Variants in ARHGAP6 observed in about 807,000 individuals in gnomAD.
The protein encoded by ARHGAP6 is rho GTPase-activating protein 6.
ARHGAP6 carries 16 observed loss-of-function variants against 55.7 expected under a neutral mutation model. The observed-to-expected ratio is 0.29, with a 90% CI of 0.19 to 0.44. The LOEUF (loss-of-function observed/expected upper bound fraction) is 0.44, where lower values mean the gene tolerates loss of function less well. Ranked by LOEUF, ARHGAP6 falls within the 20% of genes least tolerant of loss-of-function variation. The pLI is 1.00. For missense variants in ARHGAP6, 698 were observed against 808.9 expected (o/e 0.86, Z 1.66); for synonymous variants, 382 against 360.9 (o/e 1.06, Z -0.66).
chrX:11,362,344 T>C (rs2049023237), intron 1 of ARHGAP6, among the ~76,000 whole-genome samples: 1 of 111,069 alleles, frequency 9.0e-6, no homozygotes, highest in South Asian at 3.8e-4. Flanking sequence ...GATGAGTTCA[T>C]GTCCTTTGTA....
At chrX:11,612,641 T>C (rs2147154906) in intron 1 of ARHGAP6, among the ~76,000 whole-genome samples, 1 of 112,227 alleles carries the variant, frequency 8.9e-6, no homozygotes, top group African/African-American at 3.2e-5. Context: ...ACTTCCAGCC[T>C]CCAGAACCAT....
chrX:11,640,384 G>A (rs1272100967), intron 1 of ARHGAP6, among the ~76,000 whole-genome samples: 1 of 111,673 alleles, frequency 9.0e-6, no homozygotes, highest in Non-Finnish European at 1.9e-5. Context: ...TCGTACACTG[G>A]AGTTGGGCGT....
At position 11,493,612 on chromosome X, in the gene ARHGAP6, G is replaced by A. The variant is rs59857648; in HGVS notation, c.588+170629C>T. On this transcript the variant is annotated intron_variant, in intron 1 of 12. Coordinates refer to ENST00000337414, the MANE Select transcript of ARHGAP6 (RefSeq NM_013427.3). Reference sequence around the variant, plus strand: ...GGTTTGGGGTATGGACAATAGGGTCGGATTCCTGAGGGTATCTGGGCCCCA... The same window carrying A: ...GGTTTGGGGTATGGACAATAGGGTCAGATTCCTGAGGGTATCTGGGCCCCA... Among the ~76,000 whole-genome samples the A allele has an allele frequency of 3.2e-3, 354 of 111,121 alleles. 1 individual carries two copies. Among genetic ancestry groups the A allele is most frequent in the African/African-American group, 0.011 (333 of 30,550 alleles).
chrX:11,326,626 A>G (rs5978431), intron 1 of ARHGAP6, among the ~76,000 whole-genome samples: 24,618 of 111,149 alleles, frequency 0.22, 2,074 homozygotes, highest in Middle Eastern at 0.36. Context: ...CAATATAACT[A>G]AAGCTTGAAT....
chrX:11,614,029 A>G (rs2052134193), intron 1 of ARHGAP6, among the ~76,000 whole-genome samples: 1 of 111,755 alleles, frequency 8.9e-6, no homozygotes, highest in South Asian at 3.8e-4. Context: ...GACCACTGGC[A>G]CAAATGGTCC....
intron 1 of ARHGAP6, among the ~76,000 whole-genome samples, chrX:11,307,759 T>C (rs1407870629): frequency 8.9e-6 from 1 of 112,200 alleles, no homozygotes; most frequent in Non-Finnish European, 1.9e-5. Flanking sequence ...AGCAATGGGA[T>C]TTACTGCTTT....
chrX:11,169,800 G>A, intron 8 of ARHGAP6, 116 bp from the exon 9 acceptor site: 1 of 541,948 alleles, frequency 1.8e-6, no homozygotes, highest in Non-Finnish European at 2.8e-6. Context: ...CTGCAAGGAT[G>A]CCATCCTCTC....
chrX:11,640,168 G>A (rs199521171), intron 1 of ARHGAP6, among the ~76,000 whole-genome samples: 3 of 110,886 alleles, frequency 2.7e-5, no homozygotes, highest in East Asian at 2.8e-4. Context: ...ACAGTGCCCC[G>A]GGAAAGGAAA....
chrX:11,561,341 TTAAGTA>T (rs753173392), intron 1 of ARHGAP6, among the ~76,000 whole-genome samples: 8 of 112,400 alleles, frequency 7.1e-5, no homozygotes, highest in Middle Eastern at 4.6e-3. Context: ...CCAAGGTATG[TTAAGTA>T]TAAGAAATTG....
In ARHGAP6 at chrX:11,403,855, T is replaced by C. The variant is rs1040356065; in HGVS notation, c.589-149148A>G. On this transcript the variant is annotated intron_variant, in intron 1 of 12. Transcript: ENST00000337414. Reference sequence around the variant, plus strand: ...AGGATGGTTAACAATGTAACTAAACTTTCTTCCTTTGCAGACATACTTAAA... The same window carrying C: ...AGGATGGTTAACAATGTAACTAAACCTTCTTCCTTTGCAGACATACTTAAA... Among the ~76,000 whole-genome samples, 4 of 112,461 alleles carry C rather than the reference T, an allele frequency of 3.6e-5. No homozygotes were observed. The Admixed American group carries it at 3.8e-4, about 11-fold the overall frequency.
At chrX:11,253,090 C>T (rs1194656890) in intron 2 of ARHGAP6, among the ~76,000 whole-genome samples, 3 of 111,492 alleles carry the variant, frequency 2.7e-5, no homozygotes, top group African/African-American at 9.8e-5. Context: ...TCAACTTCAG[C>T]ACATGGGGCC....
At chrX:11,621,714 T>C (rs1020139883) in intron 1 of ARHGAP6, among the ~76,000 whole-genome samples, 1 of 111,494 alleles carries the variant, frequency 9.0e-6, no homozygotes, top group Non-Finnish European at 1.9e-5. Context: ...TAGAGATTTT[T>C]TTTTAATGAA....
chrX:11,459,266 G>A (rs2050221397), intron 1 of ARHGAP6, among the ~76,000 whole-genome samples: 1 of 111,429 alleles, frequency 9.0e-6, no homozygotes, highest in African/African-American at 3.3e-5. Context: ...GGAATTCTTC[G>A]AGATATGACT....
intron 1 of ARHGAP6, chrX:11,427,662 C>T (rs995514096): frequency 1.2e-6 from 1 of 845,885 alleles, no homozygotes; most frequent in Non-Finnish European, 1.4e-6. Context: ...CTGAGTTCCC[C>T]GCACTTCACT....
At chrX:11,648,480 C>T (rs2052552630) in intron 1 of ARHGAP6, among the ~76,000 whole-genome samples, 1 of 111,891 alleles carries the variant, frequency 8.9e-6, no homozygotes, top group Non-Finnish European at 1.9e-5. Flanking sequence ...TACAATTGCT[C>T]TTTACATTTA....
chrX:11,394,074 G>A (rs867242634), intron 1 of ARHGAP6, among the ~76,000 whole-genome samples: 1 of 111,510 alleles, frequency 9.0e-6, no homozygotes, highest in African/African-American at 3.3e-5. Flanking sequence ...TGGACTTCCT[G>A]TAGAATGCAA....
chrX:11,532,909 TC>T (rs1291772730), intron 1 of ARHGAP6, among the ~76,000 whole-genome samples: 1 of 111,539 alleles, frequency 9.0e-6, no homozygotes, highest in African/African-American at 3.3e-5. Flanking sequence ...GGAGCATGGA[TC>T]CCCAAGTCAC....
intron 1 of ARHGAP6, among the ~76,000 whole-genome samples, chrX:11,393,038 A>G (rs2049428431): frequency 9.0e-6 from 1 of 111,681 alleles, no homozygotes; most frequent in African/African-American, 3.2e-5. Context: ...AATTCAGGAA[A>G]TAGTCAGTTA....
chrX:11,491,936 G>C (rs2050575360), intron 1 of ARHGAP6, among the ~76,000 whole-genome samples: 1 of 107,879 alleles, frequency 9.3e-6, no homozygotes, highest in Non-Finnish European at 1.9e-5. Context: ...TCTCATTGTG[G>C]TTTTGATTTG....
Sources: gnomAD v4.1 joint callset for allele counts (sites outside exome capture counted in the v4.1 genomes callset) on GRCh38, gnomAD v4.1.1 for gene constraint, MANE v1.5 for transcripts, NCBI Gene and HGNC (gene_info 2026-07-23, HGNC 2026-07-21) for gene names.